Variants in SERPINA11 observed in about 807,000 individuals in gnomAD.
SERPINA11 encodes the protein serpin A11.
A neutral mutation model predicts 29.4 loss-of-function variants in SERPINA11; 28 were observed. The ratio of observed to expected loss-of-function variants is 0.95; its 90% confidence interval spans 0.70 to 1.30. SERPINA11 has a LOEUF of 1.30. SERPINA11 is among the 50% of genes most tolerant of loss of function. The pLI is 0.00. For missense variants in SERPINA11, 530 were observed against 507.3 expected (o/e 1.04, Z -0.43); for synonymous variants, 253 against 206.6 (o/e 1.22, Z -1.92).
chr14:94,449,016 A>T (rs181459665), intron 1 of SERPINA11, among the ~76,000 whole-genome samples: 38 of 152,282 alleles, frequency 2.5e-4, no homozygotes, highest in Admixed American at 5.2e-4. Flanking sequence ...GTTGAGTAAA[A>T]GTCTCTGGAC....
Position 94,448,548 on chromosome 14 carries a change from G to T in SERPINA11, c.227C>A (p.Ser76Ter). Residue 76 changes from serine to a stop codon, truncating the protein, a stop_gained, in exon 2 of 5, where the codon TCG (serine) becomes TAG (stop). Transcript: ENST00000334708. LOFTEE classifies it high-confidence loss of function. ...AADAPGNIFF[S>*]PVSISTTLAL... Reference sequence around the variant, plus strand: ...CAGGGTGGTGGAGATGCTCACTGGCGAGAAGAAGATGTTTCCGGGGGCGTC... The same window carrying T: ...CAGGGTGGTGGAGATGCTCACTGGCTAGAAGAAGATGTTTCCGGGGGCGTC... The T allele has an allele frequency of 6.2e-7, 1 of 1,614,212 alleles. No homozygotes were observed. The highest frequency in any genetic ancestry group is 1.7e-5 in the Admixed American group (1 of 60,024).
intron 2 of SERPINA11, among the ~76,000 whole-genome samples, chr14:94,447,611 C>G (rs1898470997): frequency 6.6e-6 from 1 of 152,212 alleles, no homozygotes; most frequent in Non-Finnish European, 1.5e-5. Context: ...AAGCTGGGAG[C>G]CCTCAACCTG....
At chr14:94,445,350 G>A (rs1246150351) in intron 3 of SERPINA11, among the ~76,000 whole-genome samples, 2 of 152,104 alleles carry the variant, frequency 1.3e-5, no homozygotes, top group African/African-American at 4.8e-5. Flanking sequence ...CATAAAAGAA[G>A]ATGCACCCCC....
Position 94,442,662 on chromosome 14 carries a change from C to G in SERPINA11, c.1213G>C (p.Val405Leu), listed in dbSNP as rs774507029. ...NRPFLLLLWE[V>L]TTQSLLFLGK... is the part of the protein sequence containing the mutation. ...AGGAAGAGTAAGCTCTGGGTGGTGA[C>G]CTCCCAAAGGAGCAAGAGGAAAGGC... The change falls in exon 5 of 5, where the codon GTC becomes CTC. Residue 405 changes from valine to leucine, a missense_variant. By Grantham distance (32) the Val-to-Leu change is conservative. Transcript: ENST00000334708. The G allele has an allele frequency of 6.2e-7, 1 of 1,612,698 alleles. No individual in the cohort carries two copies. Among genetic ancestry groups the G allele is most frequent in the Admixed American group, 1.7e-5 (1 of 59,872 alleles).
At chr14:94,445,840 G>C (rs144632422) in intron 3 of SERPINA11, among the ~76,000 whole-genome samples, 1 of 152,128 alleles carries the variant, frequency 6.6e-6, no homozygotes, top group Non-Finnish European at 1.5e-5. Context: ...GCCTCCCAAA[G>C]CACTGGGATT....
intron 3 of SERPINA11, among the ~76,000 whole-genome samples, chr14:94,445,056 G>C: frequency 6.6e-6 from 1 of 152,196 alleles, no homozygotes; most frequent in East Asian, 1.9e-4. Context: ...CTGATCTGCT[G>C]AACCTGAGCT....
In SERPINA11 at chr14:94,449,495, T is replaced by TTC. The variant is rs561172691; in HGVS notation, c.-3-720_-3-719dup. On this transcript the variant is annotated intron_variant, in intron 1 of 4. Transcript: ENST00000334708. ...TTTCTTTCTTTCTGTCTGTCTGTCT[T>TTC]TCTTTCTCTTTCTTTTTCTTTCTTT... is the stretch of plus-strand genomic sequence containing the variant. Among the ~76,000 whole-genome samples the TTC allele has an allele frequency of 2.3e-4, 27 of 119,224 alleles. 2 individuals carry two copies. The highest frequency in any genetic ancestry group is 1.1e-3 in the African/African-American group (26 of 23,338). 78.2% of individuals were successfully genotyped at this position (119,224 alleles called of 152,430 possible).
At chr14:94,449,999 G>C (rs539933679) in intron 1 of SERPINA11, among the ~76,000 whole-genome samples, 1 of 152,298 alleles carries the variant, frequency 6.6e-6, no homozygotes, top group East Asian at 1.9e-4. Flanking sequence ...GGCGATGTGA[G>C]GATCGGCCAT....
At chr14:94,443,254 T>C in intron 3 of SERPINA11, 29 bp from the exon 4 acceptor site, 1 of 1,601,882 alleles carries the variant, frequency 6.2e-7, no homozygotes. Context: ...AGAGAAATGG[T>C]GCTCTCTTGT....
chr14:94,446,293 A>G (rs750494944), intron 3 of SERPINA11, 38 bp downstream of exon 3: 1 of 1,583,234 alleles, frequency 6.3e-7, no homozygotes, highest in African/African-American at 1.4e-5. Flanking sequence ...GGGGTTCTTG[A>G]GCAAGGTCAG....
chr14:94,452,301 G>A (rs112703472), intron 1 of SERPINA11, among the ~76,000 whole-genome samples: 5 of 152,102 alleles, frequency 3.3e-5, no homozygotes, highest in African/African-American at 7.2e-5. Context: ...AGGACAAGCC[G>A]CCTGGTGAGA....
At chr14:94,451,504 C>A (rs1468911125) in intron 1 of SERPINA11, among the ~76,000 whole-genome samples, 1 of 152,198 alleles carries the variant, frequency 6.6e-6, no homozygotes. Flanking sequence ...AATGAAGTGC[C>A]TGTAATGAAA....
intron 1 of SERPINA11, among the ~76,000 whole-genome samples, chr14:94,450,286 T>A (rs531237722): frequency 3.0e-4 from 45 of 152,284 alleles, no homozygotes; most frequent in African/African-American, 1.1e-3. Context: ...TGATCTTGTT[T>A]GGAAATAGGG....
chr14:94,451,453 A>G (rs1345322177), intron 1 of SERPINA11, among the ~76,000 whole-genome samples: 1 of 152,244 alleles, frequency 6.6e-6, no homozygotes, highest in Non-Finnish European at 1.5e-5. Context: ...GAAAATTTGG[A>G]AGATGCAAAT....
chr14:94,442,859 G>T, intron 4 of SERPINA11, 50 bp from the exon 5 acceptor site: 1 of 1,467,724 alleles, frequency 6.8e-7, no homozygotes, highest in East Asian at 2.3e-5. Context: ...GGCCTTCAAG[G>T]GGAAGACACT....
chr14:94,449,486 TG>T (rs760508663), intron 1 of SERPINA11, among the ~76,000 whole-genome samples: 4,920 of 108,338 alleles, frequency 0.045, 259 homozygotes, highest in African/African-American at 0.093. Context: ...TCTTTCTGTC[TG>T]TCTGTCTTTC....
At chr14:94,452,067 G>GT (rs1358239801) in intron 1 of SERPINA11, among the ~76,000 whole-genome samples, 3 of 152,198 alleles carry the variant, frequency 2.0e-5, no homozygotes, top group African/African-American at 7.2e-5. Flanking sequence ...TCAATGCCTG[G>GT]TGGAGGGATG....
intron 1 of SERPINA11, 51 bp from the exon 2 acceptor site, chr14:94,448,828 A>T: frequency 6.8e-7 from 1 of 1,476,676 alleles, no homozygotes. Context: ...TAATGTCATG[A>T]TTCTCTATTG....
rs188043457 is a variant in SERPINA11, at chr14:94,449,382, C to T, written c.-3-605G>A. On this transcript the variant is annotated intron_variant, in intron 1 of 4. Transcript: ENST00000334708. ...AGCAAAACAACTTCCATAGTCTAGC[C>T]TCCCTCCCTCTTTCTTTCTTTCTAT... Among the ~76,000 whole-genome samples, 74 of 55,414 alleles carry T rather than the reference C, an allele frequency of 1.3e-3. 1 individual carries two copies. The highest frequency in any genetic ancestry group is 5.7e-3 in the African/African-American group (74 of 13,072). 36.4% of individuals were successfully genotyped at this position (55,414 alleles called of 152,430 possible).
Sources: gnomAD v4.1 joint callset for allele counts (sites outside exome capture counted in the v4.1 genomes callset) on GRCh38, gnomAD v4.1.1 for gene constraint, MANE v1.5 for transcripts, NCBI Gene and HGNC (gene_info 2026-07-23, HGNC 2026-07-21) for gene names.